ZNF263: variants seen among roughly 807,000 people sequenced by gnomAD.
ZNF263 encodes zinc finger protein FPM315.
ZNF263 carries 49 observed loss-of-function variants against 63.1 expected under a neutral mutation model. The observed-to-expected ratio is 0.78, with a 90% CI of 0.62 to 0.99. The LOEUF is 0.99. Ranked by LOEUF, ZNF263 falls within the 50% of genes least tolerant of loss-of-function variation. The pLI is 0.00. For missense variants in ZNF263, 872 were observed against 854.8 expected, an observed-to-expected ratio of 1.02 and a Z score of -0.25; for synonymous variants, 352 against 324.2, an observed-to-expected ratio of 1.09 and a Z score of -0.92.
downstream of ZNF263, among the ~76,000 whole-genome samples, chr16:3,294,459 G>A (rs1284900938): frequency 6.6e-6 from 1 of 152,176 alleles, no homozygotes; most frequent in Non-Finnish European, 1.5e-5. Context: ...ATAGCTAGAT[G>A]AATTCAAGCA....
chr16:3,293,155 C>A (rs1309270423), downstream of ZNF263: 2 of 152,226 alleles, frequency 1.3e-5, no homozygotes, highest in Non-Finnish European at 2.9e-5. Flanking sequence ...AGGGAGGGAC[C>A]TGGTGGGAAG....
intron 2 of ZNF263, chr16:3,299,728 T>C: frequency 1.3e-6 from 2 of 1,540,736 alleles, no homozygotes; most frequent in Non-Finnish European, 8.7e-7. Context: ...CGGGCAACTG[T>C]CCAGAAGTAA....
chr16:3,290,414 C>T lies in ZNF263; in HGVS notation c.1908C>T (p.Cys636=), dbSNP rs754419593. ...TGEKPYTCHE[C]GDSFSHSSNR... ...AAAAACCCTATACCTGTCATGAGTG[C>T]GGAGACAGCTTCTCTCACAGCTCCA... The change falls in exon 6 of 6, where the codon TGC becomes TGT. Residue 636 remains cysteine (C), a synonymous_variant. Coordinates refer to ENST00000219069, the MANE Select transcript of ZNF263 (RefSeq NM_005741.5). 15 of 1,613,960 alleles carry T rather than the reference C, an allele frequency of 9.3e-6. No individual in the cohort carries two copies. Among genetic ancestry groups the T allele is most frequent in the Admixed American group, 6.7e-5 (4 of 59,984 alleles).
rs762657926 is a variant in ZNF263, at chr16:3,284,215, A to G, written c.387+10A>G. 1.3e-6 allele frequency: 2 copies of G among 1,515,760 alleles called. No homozygotes were observed. Among genetic ancestry groups the G allele is most frequent in the African/African-American group, 2.8e-5 (2 of 71,976 alleles). The allele number at this position is 1,515,760 out of a possible 1,614,324, so 93.9% of individuals were successfully genotyped here. A position where few individuals can be genotyped will look rare whatever the true frequency, so the allele number is the denominator to read the frequency against. On this transcript the variant is annotated intron_variant, in intron 1 of 5. Transcript: ENST00000219069. ...GAGACTGAGACAACAGGTGAGAGAG[A>G]GAGAGAGCTGTTTTATCTGTGGTTT...
rs1339829890 is a variant in ZNF263, at chr16:3,290,882, C to G, written c.*324C>G. On this transcript the variant is annotated 3_prime_UTR_variant, in exon 6 of 6. Coordinates refer to ENST00000219069, the MANE Select transcript of ZNF263 (RefSeq NM_005741.5). ...TTGGGCACCTGACTGTCCAGTTTACCTTAACAAGTTTGGGAATCCATGTGA... is the reference window on the plus strand; with the variant it reads ...TTGGGCACCTGACTGTCCAGTTTACGTTAACAAGTTTGGGAATCCATGTGA... 2 of 1,062,770 alleles carry G rather than the reference C, an allele frequency of 1.9e-6. No homozygotes were observed. The highest frequency in any genetic ancestry group is 2.3e-6 in the Non-Finnish European group (2 of 877,318). The allele number at this position is 1,062,770 out of a possible 1,614,324, so 65.8% of individuals were successfully genotyped here.
chr16:3,299,754 C>G lies in ZNF263; in HGVS notation c.*46+598C>G, dbSNP rs199545812. ...CCAGAAGTAACAATGCCCTGACGTC[C>G]TCGTCATGAAATCTTAGAACATTAA... On this transcript the variant is annotated intron_variant, in intron 2 of 2. Transcript: ENST00000574674. The G allele has an allele frequency of 5.2e-6, 8 of 1,546,576 alleles. No homozygotes were observed. The Admixed American group carries it at 1.7e-4, about 32-fold the overall frequency.
intron 2 of ZNF263, chr16:3,300,785 T>C: frequency 8.4e-7 from 1 of 1,195,848 alleles, no homozygotes; most frequent in Non-Finnish European, 1.1e-6. Flanking sequence ...ACTGAAGAGC[T>C]AGTCTAGAGG....
chr16:3,300,713 T>G, intron 2 of ZNF263: 5 of 1,480,066 alleles, frequency 3.4e-6, no homozygotes, highest in Non-Finnish European at 4.5e-6. Flanking sequence ...AAAACTTAGC[T>G]GAAAGCCCCA....
intron 4 of ZNF263, among the ~76,000 whole-genome samples, chr16:3,287,708 T>C (rs892148048): frequency 1.3e-5 from 2 of 151,956 alleles, no homozygotes. Context: ...CACTTGTGGG[T>C]TTTAATCTCA....
In ZNF263 at chr16:3,290,126, T is replaced by C. The variant is rs944681885; in HGVS notation, c.1620T>C (p.His540=). 2 of 1,613,738 alleles carry C rather than the reference T, an allele frequency of 1.2e-6. No homozygotes were observed. The highest frequency in any genetic ancestry group is 1.1e-5 in the South Asian group (1 of 91,054). The part of the protein sequence containing the change: ...SSHLVIHERT[H]ERERLYPFSE... ...ACCTCGTCATTCACGAAAGAACTCA[T>C]GAGAGAGAGAGACTTTACCCCTTCT... is the stretch of plus-strand genomic sequence containing the variant. Residue 540 remains histidine (H), a synonymous_variant, in exon 6 of 6, where the codon CAT becomes CAC. Coordinates refer to ENST00000219069, the MANE Select transcript of ZNF263 (RefSeq NM_005741.5).
In ZNF263 at chr16:3,289,347, C is replaced by G. The variant is rs376152864; in HGVS notation, c.887-46C>G. The G allele has an allele frequency of 1.5e-5, 22 of 1,488,506 alleles. No homozygotes were observed. The African/African-American group carries it at 2.7e-4, about 18-fold the overall frequency. 92.2% of individuals were successfully genotyped at this position (1,488,506 alleles called of 1,614,324 possible). Reference sequence around the variant, plus strand: ...GCAGACAGGTGGGATTTTCTTTTCTCCAGCATAGAAATAATGTACGGGTTT... The same window carrying G: ...GCAGACAGGTGGGATTTTCTTTTCTGCAGCATAGAAATAATGTACGGGTTT... On this transcript the variant is annotated intron_variant, in intron 5 of 5. Transcript: ENST00000219069.
chr16:3,285,637 A>G (rs1021587817), intron 2 of ZNF263, 44 bp from the exon 3 acceptor site: 13 of 1,595,036 alleles, frequency 8.2e-6, no homozygotes, highest in African/African-American at 1.3e-5. Context: ...TGGGTTGCCA[A>G]GAGTTAGGAA....
Position 3,290,197 on chromosome 16 carries a change from ACCATGGAGC to A in ZNF263, c.1696_1704del (p.Gly566_His568del). The A allele has an allele frequency of 1.9e-6, 3 of 1,614,038 alleles. No homozygotes were observed. Among genetic ancestry groups the A allele is most frequent in the Non-Finnish European group, 2.5e-6 (3 of 1,180,018 alleles). ...AGTGACAGCACCCCCTTTCTTACAA[ACCATGGAGC>A]CCATAAGGCAGAGAAGAAGCTCTTT... On this transcript the variant is annotated inframe_deletion, in exon 6 of 6. Coordinates refer to ENST00000219069, the MANE Select transcript of ZNF263 (RefSeq NM_005741.5).
At position 3,283,888 on chromosome 16, in the gene ZNF263, T is replaced by G. The variant is rs958424813; in HGVS notation, c.70T>G (p.Trp24Gly). 6.2e-7 allele frequency: 1 copy of G among 1,610,420 alleles called. No individual in the cohort carries two copies. The highest frequency in any genetic ancestry group is 1.3e-5 in the African/African-American group (1 of 74,960). ...LIVKLEEDCA[W>G]SQELPPPDPG... ...AGTGAAGCTGGAGGAGGACTGCGCC[T>G]GGAGCCAGGAGCTGCCCCCACCTGA... Residue 24 changes from tryptophan (W) to glycine (G), a missense_variant, in exon 1 of 6, where the codon TGG (tryptophan) becomes GGG (glycine). By Grantham distance (184) the Trp-to-Gly change is radical. Coordinates refer to ENST00000219069, the MANE Select transcript of ZNF263 (RefSeq NM_005741.5).
At chr16:3,295,463 C>T (rs1418794011), downstream of ZNF263, among the ~76,000 whole-genome samples, 2 of 152,192 alleles carry the variant, frequency 1.3e-5, no homozygotes, top group African/African-American at 2.4e-5. Flanking sequence ...CACGCACAGC[C>T]GCAGGGGTTT....
chr16:3,294,362 A>G (rs1462947840), downstream of ZNF263, among the ~76,000 whole-genome samples: 1 of 152,240 alleles, frequency 6.6e-6, no homozygotes, highest in African/African-American at 2.4e-5. Flanking sequence ...TAAGTCACGT[A>G]AAGTGTCTTA....
At position 3,291,386 on chromosome 16, in the gene ZNF263, AG is replaced by A. The variant is rs1959608252; in HGVS notation, c.*833del. Reference sequence around the variant, plus strand: ...CTGGAAAATTGAAAATGTGAATCCTAGGGGGAAATTGGGGATTGTGTCTTTC... The same window carrying A: ...CTGGAAAATTGAAAATGTGAATCCTAGGGGAAATTGGGGATTGTGTCTTTC... On this transcript the variant is annotated 3_prime_UTR_variant, in exon 6 of 6. Transcript: ENST00000219069. 18 of 985,356 alleles carry A rather than the reference AG, an allele frequency of 1.8e-5. No homozygotes were observed. Among genetic ancestry groups the A allele is most frequent in the Non-Finnish European group, 1.9e-5 (16 of 829,868 alleles). 61.0% of individuals were successfully genotyped at this position (985,356 alleles called of 1,614,324 possible). A position where few individuals can be genotyped will look rare whatever the true frequency, so the allele number is the denominator to read the frequency against.
At chr16:3,298,119 T>C (rs188568704) in intron 1 of ZNF263, among the ~76,000 whole-genome samples, 1 of 152,316 alleles carries the variant, frequency 6.6e-6, no homozygotes, top group Non-Finnish European at 1.5e-5. Context: ...AACCATCAAA[T>C]GTGAGGTTAA....
intron 1 of ZNF263, among the ~76,000 whole-genome samples, chr16:3,297,456 CTTTTTTTTTTTT>C (rs1168352573): frequency 1.6e-4 from 12 of 76,472 alleles, no homozygotes; most frequent in African/African-American, 5.1e-4. Flanking sequence ...GAAACAGATT[CTTTTTTTTTTTT>C]TTTTTTTTTT....
Sources: allele counts gnomAD v4.1 joint callset (sites outside exome capture counted in the v4.1 genomes callset), GRCh38; gene constraint gnomAD v4.1.1; transcripts MANE v1.5; gene names NCBI Gene and HGNC (gene_info 2026-07-23, HGNC 2026-07-21).